The following HENMT1 variants were observed in gnomAD, a reference collection of about 807,000 sequenced individuals.
HENMT1 encodes the protein HEN methyltransferase 1, also known as small RNA 2'-O-methyltransferase.
In HENMT1, 27 loss-of-function variants were observed where a neutral mutation model predicts 31.1. That is an observed-to-expected ratio of 0.87 (90% CI 0.64 to 1.20). HENMT1 has a LOEUF of 1.20. Ranked by LOEUF, HENMT1 falls within the 50% of genes most tolerant of loss-of-function variation. The pLI, the probability that HENMT1 is intolerant of heterozygous loss-of-function variation, is 0.00. For synonymous variants in HENMT1, 167 were observed against 172.2 expected (o/e 0.97, Z 0.24); for missense variants, 438 against 469.6 (o/e 0.93, Z 0.62).
chr1:108,649,105 A>G (rs1234799681), intron 7 of HENMT1, 114 bp from the exon 8 acceptor site: 6 of 774,380 alleles, frequency 7.7e-6, no homozygotes, highest in Non-Finnish European at 1.2e-5. Flanking sequence ...TATTGAATAT[A>G]TGTCAGATCC....
rs1238611415 is a variant in HENMT1, at chr1:108,654,865, T to C, written c.264-15A>G. ...CTAACGAATCCCTGCAAAATAATTA[T>C]TGAAGAAACTTTCTGAACATTATCT... On this transcript the variant is annotated splice_polypyrimidine_tract_variant and intron_variant, in intron 4 of 7. Coordinates refer to ENST00000651461, the MANE Select transcript of HENMT1 (RefSeq NM_001102592.2). 6.8e-6 allele frequency: 11 copies of C among 1,613,352 alleles called. No homozygotes were observed. The highest frequency in any genetic ancestry group is 1.6e-4 in the Middle Eastern group (1 of 6,080).
chr1:108,654,943 T>G, intron 4 of HENMT1, 93 bp from the exon 5 acceptor site: 4 of 1,254,540 alleles, frequency 3.2e-6, no homozygotes, highest in Admixed American at 1.9e-5. Flanking sequence ...AATTATCTTC[T>G]ACCTCTATTG....
At chr1:108,659,258 A>C (rs1461867315) in intron 2 of HENMT1, among the ~76,000 whole-genome samples, 1 of 152,222 alleles carries the variant, frequency 6.6e-6, no homozygotes, top group Admixed American at 6.5e-5. Context: ...TCCAATTTTA[A>C]ACTTAAAATT....
At position 108,654,697 on chromosome 1, in the gene HENMT1, G is replaced by C. The variant is rs773761705; in HGVS notation, c.398+19C>G. On this transcript the variant is annotated intron_variant, in intron 5 of 7. Coordinates refer to ENST00000651461, the MANE Select transcript of HENMT1 (RefSeq NM_001102592.2). ...CTTTTCAAATGAACAGTTATACAGT[G>C]TATCAGTTTAAAACTTACAATTCAA... The C allele has an allele frequency of 6.2e-7, 1 of 1,612,436 alleles. No homozygotes were observed.
At chr1:108,655,848 TAC>T (rs61122468) in intron 3 of HENMT1, 150 bp from the exon 4 acceptor site, 23,912 of 233,278 alleles carry the variant, frequency 0.1, 944 homozygotes, top group Admixed American at 0.16. Context: ...CAGAAGATGC[TAC>T]ACACACACAC....
In HENMT1 at chr1:108,648,382, A is replaced by G; in HGVS notation, c.*184T>C. On this transcript the variant is annotated 3_prime_UTR_variant, in exon 8 of 8. Transcript: ENST00000651461. ...GAAAGCACCCGTTTTAAACCCTCAT[A>G]TCTTTCTCAGGGCTCACTGCAGTCT... The G allele has an allele frequency of 1.7e-6, 1 of 589,786 alleles. No individual in the cohort carries two copies. Among genetic ancestry groups the G allele is most frequent in the Non-Finnish European group, 3.0e-6 (1 of 338,212 alleles). The allele number at this position is 589,786 out of a possible 1,614,324, so 36.5% of individuals were successfully genotyped here.
Position 108,648,955 on chromosome 1 carries a change from T to G in HENMT1, c.793A>C (p.Arg265=). Residue 265 remains arginine (R), a synonymous_variant, in exon 8 of 8, where the codon AGG becomes CGG. Transcript: ENST00000651461. ...TTSYPSLQQE[R]FFKLVLVNEV... ...TTAACCAACACAAGTTTAAAGAACC[T>G]TTCCTGCTGTAAGCTTGGGTATGAG... 3.1e-6 allele frequency: 5 copies of G among 1,610,424 alleles called. No homozygotes were observed. Among genetic ancestry groups the G allele is most frequent in the Non-Finnish European group, 4.2e-6 (5 of 1,177,344 alleles).
intron 6 of HENMT1, 138 bp downstream of exon 6, chr1:108,650,892 A>G (rs1426099571): frequency 1.5e-6 from 1 of 659,020 alleles, no homozygotes; most frequent in Non-Finnish European, 2.6e-6. Flanking sequence ...CTTATTACAT[A>G]CTAAGTCACA....
chr1:108,648,345 C>G lies in HENMT1; in HGVS notation c.*221G>C, dbSNP rs1431742259. 7.6e-6 allele frequency: 4 copies of G among 529,414 alleles called. No individual in the cohort carries two copies. The highest frequency in any genetic ancestry group is 1.3e-5 in the Non-Finnish European group (4 of 300,934). The allele number at this position is 529,414 out of a possible 1,614,324, so 32.8% of individuals were successfully genotyped here. On this transcript the variant is annotated 3_prime_UTR_variant, in exon 8 of 8. Coordinates refer to ENST00000651461, the MANE Select transcript of HENMT1 (RefSeq NM_001102592.2). ...TTTATTCTTGAGAAAACAAAAAAGT[C>G]CAAAATCAAAGGAAAGCACCCGTTT...
Position 108,650,261 on chromosome 1 carries a change from C to T in HENMT1, c.706G>A (p.Ala236Thr). The T allele has an allele frequency of 2.5e-6, 4 of 1,614,122 alleles. No individual in the cohort carries two copies. Among genetic ancestry groups the T allele is most frequent in the East Asian group, 2.2e-5 (1 of 44,888 alleles). The change falls in exon 7 of 8, where the codon GCA becomes ACA. Residue 236 changes from alanine to threonine, a missense_variant. By Grantham distance (58) the Ala-to-Thr change is moderately conservative. Coordinates refer to ENST00000651461, the MANE Select transcript of HENMT1 (RefSeq NM_001102592.2). ...TGCTCTGAAAGACATGATTCTGTTGCCTTTCCTCCATTTTTCCGGAAGATT... is the reference window on the plus strand; with the variant it reads ...TGCTCTGAAAGACATGATTCTGTTGTCTTTCCTCCATTTTTCCGGAAGATT... ...IGIFRKNGGK[A>T]TESCLSEQHD...
At chr1:108,656,811 C>T (rs1211261755) in intron 3 of HENMT1, among the ~76,000 whole-genome samples, 2 of 152,166 alleles carry the variant, frequency 1.3e-5, no homozygotes, top group Non-Finnish European at 2.9e-5. Flanking sequence ...GGCTACAATA[C>T]CAGTTTGCCT....
Position 108,648,529 on chromosome 1 carries a change from T to A in HENMT1, c.*37A>T, listed in dbSNP as rs1462641878. On this transcript the variant is annotated 3_prime_UTR_variant, in exon 8 of 8. Transcript: ENST00000651461. ...ACTAAATTCTAAGTGAGCACAACTA[T>A]CGCTGAGACCCTGAAATTTCAGGAA... 1 of 1,561,594 alleles carries A rather than the reference T, an allele frequency of 6.4e-7. No individual in the cohort carries two copies. The highest frequency in any genetic ancestry group is 1.1e-5 in the South Asian group (1 of 87,652).
chr1:108,657,041 G>A (rs746909878), intron 3 of HENMT1, among the ~76,000 whole-genome samples: 1 of 152,258 alleles, frequency 6.6e-6, no homozygotes, highest in Admixed American at 6.5e-5. Context: ...AAGATTCCTT[G>A]TGTTTCCATT....
intron 1 of HENMT1, among the ~76,000 whole-genome samples, chr1:108,660,522 C>A (rs1658421066): frequency 6.6e-6 from 1 of 152,204 alleles, no homozygotes; most frequent in Non-Finnish European, 1.5e-5. Flanking sequence ...AACATCTATT[C>A]AATTCACTCA....
intron 1 of HENMT1, among the ~76,000 whole-genome samples, chr1:108,660,713 A>C (rs1297549964): frequency 6.6e-6 from 1 of 151,988 alleles, no homozygotes; most frequent in Non-Finnish European, 1.5e-5. Context: ...TCACGAGGTC[A>C]GGAGATCGAG....
intron 5 of HENMT1, among the ~76,000 whole-genome samples, chr1:108,652,649 GA>G (rs1658089535): frequency 6.6e-6 from 1 of 152,144 alleles, no homozygotes; most frequent in Non-Finnish European, 1.5e-5. Context: ...CAATTCACAA[GA>G]AAATTGTAAA....
chr1:108,661,090 G>T lies in HENMT1; in HGVS notation c.-206C>A. The T allele has an allele frequency of 2.8e-6, 2 of 718,322 alleles. No homozygotes were observed. The highest frequency in any genetic ancestry group is 3.4e-6 in the Non-Finnish European group (2 of 586,272). The allele number at this position is 718,322 out of a possible 1,614,324, so 44.5% of individuals were successfully genotyped here. ...GTCCTCAACTCAGCGCCGCCCTGAC[G>T]CCCGCGCACGCACGGCCTCGCTGCG... is the stretch of plus-strand genomic sequence containing the variant. On this transcript the variant is annotated 5_prime_UTR_variant, in exon 1 of 8. Transcript: ENST00000651461.
chr1:108,652,172 T>A (rs1228181614), intron 5 of HENMT1, among the ~76,000 whole-genome samples: 1 of 152,202 alleles, frequency 6.6e-6, no homozygotes, highest in African/African-American at 2.4e-5. Flanking sequence ...AGCTAAATTT[T>A]AAAATAGCTA....
Position 108,651,134 on chromosome 1 carries a change from A to G in HENMT1, c.474T>C (p.Ile158=), listed in dbSNP as rs201001941. 14 of 1,613,970 alleles carry G rather than the reference A, an allele frequency of 8.7e-6. No homozygotes were observed. Among genetic ancestry groups the G allele is most frequent in the Non-Finnish European group, 1.0e-5 (12 of 1,179,854 alleles). ...ATTCAGAGTTTGGTGTGCTGATGAC[A>G]ATCATGGATGGAGACAGGTACCCAA... ...VVFGYLSPSM[I]VISTPNSEFN... The change falls in exon 6 of 8, where the codon ATT becomes ATC. Residue 158 remains isoleucine, a synonymous_variant. Transcript: ENST00000651461.
Sources: allele counts gnomAD v4.1 joint callset (sites outside exome capture counted in the v4.1 genomes callset), GRCh38; gene constraint gnomAD v4.1.1; transcripts MANE v1.5; gene names NCBI Gene and HGNC (gene_info 2026-07-23, HGNC 2026-07-21).